CACNA1C: variants seen among roughly 807,000 people sequenced by gnomAD.
The protein encoded by CACNA1C is voltage-dependent L-type calcium channel subunit alpha-1C.
CACNA1C carries 30 observed loss-of-function variants against 229.0 expected under a neutral mutation model. That is an observed-to-expected ratio of 0.13 (90% CI 0.10 to 0.18). The LOEUF (loss-of-function observed/expected upper bound fraction) is 0.18. CACNA1C is among the 10% of genes least tolerant of loss of function. CACNA1C has a pLI of 1.00. For missense variants in CACNA1C, 1,658 were observed against 2,845.0 expected (o/e 0.58, Z 9.49); for synonymous variants, 1,114 against 1,132.5 (o/e 0.98, Z 0.33).
chr12:2,686,144 G>A (rs756657309), intron 44 of CACNA1C, 22 bp from the exon 45 acceptor site: 2 of 1,593,262 alleles, frequency 1.3e-6, no homozygotes, highest in East Asian at 2.2e-5. Context: ...CCCTGATGGT[G>A]GCTCTCTGGC....
At chr12:1,986,797 G>A (rs2037916657) in intron 1 of CACNA1C, among the ~76,000 whole-genome samples, 1 of 152,182 alleles carries the variant, frequency 6.6e-6, no homozygotes, top group African/African-American at 2.4e-5. Context: ...GCTCTCCTCA[G>A]TGTGTCTGTT....
chr12:2,017,928 A>G (rs2045676656), intron 1 of CACNA1C, among the ~76,000 whole-genome samples: 1 of 152,226 alleles, frequency 6.6e-6, no homozygotes, highest in Non-Finnish European at 1.5e-5. Context: ...TGCCTTCTAC[A>G]CGGACTCAAC....
chr12:2,290,484 G>A (rs2093365648), intron 3 of CACNA1C, among the ~76,000 whole-genome samples: 1 of 152,152 alleles, frequency 6.6e-6, no homozygotes, highest in South Asian at 2.1e-4. Context: ...AGTGCTGGTT[G>A]GGGGCAGAAA....
At chr12:2,310,543 C>T (rs1434541697) in intron 3 of CACNA1C, among the ~76,000 whole-genome samples, 1 of 152,008 alleles carries the variant, frequency 6.6e-6, no homozygotes, top group African/African-American at 2.4e-5. Flanking sequence ...ATTCGACTTC[C>T]AAAGGAGCAA....
chr12:2,498,281 G>A (rs755117484), intron 7 of CACNA1C, among the ~76,000 whole-genome samples: 5 of 152,116 alleles, frequency 3.3e-5, no homozygotes, highest in Non-Finnish European at 5.9e-5. Flanking sequence ...CTCAGGTATC[G>A]GAGTAGAGAC....
chr12:2,573,994 T>A (rs1380952132), intron 13 of CACNA1C, among the ~76,000 whole-genome samples: 42 of 152,220 alleles, frequency 2.8e-4, no homozygotes, highest in Admixed American at 2.7e-3. Flanking sequence ...GGGAGTATGC[T>A]ACATGTATGA....
chr12:2,541,022 G>C (rs1343496498), intron 9 of CACNA1C, among the ~76,000 whole-genome samples: 2 of 152,184 alleles, frequency 1.3e-5, no homozygotes, highest in Admixed American at 6.5e-5. Flanking sequence ...GCAGGTGGCT[G>C]TCTTGTCTCT....
intron 1 of CACNA1C, among the ~76,000 whole-genome samples, chr12:2,009,263 C>A (rs562449270): frequency 6.6e-6 from 1 of 152,210 alleles, no homozygotes; most frequent in East Asian, 1.9e-4. Context: ...ATGTTTGGGT[C>A]TGGAATTTTT....
intron 18 of CACNA1C, among the ~76,000 whole-genome samples, chr12:2,586,672 G>A (rs374373266): frequency 2.5e-4 from 38 of 152,192 alleles, no homozygotes; most frequent in African/African-American, 8.4e-4. Flanking sequence ...TATTTGGGTT[G>A]TTCACCAAGT....
At chr12:2,165,228 T>C (rs564824701) in intron 3 of CACNA1C, among the ~76,000 whole-genome samples, 1 of 152,356 alleles carries the variant, frequency 6.6e-6, no homozygotes, top group South Asian at 2.1e-4. Context: ...ATTGTAAACC[T>C]GCACTTTTAA....
At chr12:2,201,647 T>C (rs949473930) in intron 3 of CACNA1C, among the ~76,000 whole-genome samples, 5 of 152,250 alleles carry the variant, frequency 3.3e-5, no homozygotes, top group African/African-American at 9.6e-5. Context: ...TGTGTGTCAG[T>C]CAGGTTGCTT....
At chr12:2,370,114 GA>G (rs1290218124) in intron 3 of CACNA1C, among the ~76,000 whole-genome samples, 3 of 152,124 alleles carry the variant, frequency 2.0e-5, no homozygotes, top group Non-Finnish European at 4.4e-5. Flanking sequence ...AATACATTTT[GA>G]TTTTTAAAAT....
At chr12:2,328,134 C>T (rs893288752) in intron 3 of CACNA1C, among the ~76,000 whole-genome samples, 10 of 152,222 alleles carry the variant, frequency 6.6e-5, no homozygotes, top group South Asian at 2.1e-4. Context: ...CTTTTCTCCC[C>T]GTGCACTGAG....
intron 1 of CACNA1C, among the ~76,000 whole-genome samples, chr12:2,045,137 T>G (rs2050838649): frequency 6.6e-6 from 1 of 152,182 alleles, no homozygotes; most frequent in African/African-American, 2.4e-5. Context: ...GATGGCTGAT[T>G]TCTGATGGCC....
intron 6 of CACNA1C, among the ~76,000 whole-genome samples, chr12:2,487,951 G>A (rs1405228302): frequency 6.6e-6 from 1 of 152,140 alleles, no homozygotes; most frequent in East Asian, 1.9e-4. Context: ...TCATGCAGTT[G>A]TATTGAAATT....
intron 7 of CACNA1C, among the ~76,000 whole-genome samples, chr12:2,503,871 GTGGCCCGCAGTACGTGTGAAGCAC>G (rs2099765889): frequency 2.0e-5 from 3 of 152,336 alleles, no homozygotes; most frequent in Admixed American, 6.5e-5. Flanking sequence ...CTCCCAGCCG[GTGGCCCGCAGTACGTGTGAAGCAC>G]TGGGGTTTAG....
intron 5 of CACNA1C, among the ~76,000 whole-genome samples, chr12:2,468,523 A>T (rs2099572409): frequency 6.6e-6 from 1 of 152,222 alleles, no homozygotes; most frequent in Non-Finnish European, 1.5e-5. Flanking sequence ...TCCAGTCGGG[A>T]TAACTCCCTC....
At chr12:2,161,831 CAG>C (rs1014697388) in intron 3 of CACNA1C, among the ~76,000 whole-genome samples, 16 of 152,300 alleles carry the variant, frequency 1.1e-4, no homozygotes, top group South Asian at 4.1e-4. Flanking sequence ...GCTGGTGCCT[CAG>C]GGGGCAGAAA....
chr12:2,306,313 T>C (rs749096502), intron 3 of CACNA1C, among the ~76,000 whole-genome samples: 15 of 152,228 alleles, frequency 9.9e-5, no homozygotes, highest in Non-Finnish European at 1.8e-4. Flanking sequence ...CGCTCTGCCG[T>C]CTGACACCTT....
Sources: gnomAD v4.1 joint callset for allele counts (sites outside exome capture counted in the v4.1 genomes callset) on GRCh38, gnomAD v4.1.1 for gene constraint, MANE v1.5 for transcripts, NCBI Gene and HGNC (gene_info 2026-07-23, HGNC 2026-07-21) for gene names.